KMT2E: variants seen among roughly 807,000 people sequenced by gnomAD.
KMT2E encodes lysine methyltransferase 2E (inactive).
Under a neutral mutation model 184.6 loss-of-function variants are expected in KMT2E, and 30 were observed. The observed-to-expected ratio is 0.16, with a 90% CI of 0.12 to 0.22. The LOEUF (loss-of-function observed/expected upper bound fraction) is 0.22, where lower values mean the gene tolerates loss of function less well. KMT2E is among the 10% of genes least tolerant of loss of function. KMT2E has a pLI of 1.00. For synonymous variants in KMT2E, 815 were observed against 776.5 expected (o/e 1.05, Z -0.82); for missense variants, 2,023 against 2,237.4 (o/e 0.90, Z 1.93).
intron 13 of KMT2E, among the ~76,000 whole-genome samples, chr7:105,084,113 A>G (rs902381212): frequency 6.6e-6 from 1 of 152,216 alleles, no homozygotes; most frequent in Non-Finnish European, 1.5e-5. Flanking sequence ...AGCTGCGGTG[A>G]TGGCTCCACA....
chr7:105,112,787 A>AG lies in KMT2E; in HGVS notation c.5031_5032insG (p.Pro1678AlafsTer191). On this transcript the variant is annotated frameshift_variant, in exon 27 of 27. Coordinates refer to ENST00000311117, the MANE Select transcript of KMT2E (RefSeq NM_182931.3). LOFTEE classifies it high-confidence loss of function. ...ATTCTCAAACTGCTGGACACCACTTACCCCCACCCCCACCCCCTCCTGGTC... is the reference window on the plus strand; with the variant it reads ...ATTCTCAAACTGCTGGACACCACTTAGCCCCCACCCCCACCCCCTCCTGGTC... 8.9e-6 allele frequency: 13 copies of AG among 1,462,812 alleles called. No homozygotes were observed. Among genetic ancestry groups the AG allele is most frequent in the Non-Finnish European group, 1.1e-5 (12 of 1,080,404 alleles). 90.6% of individuals were successfully genotyped at this position (1,462,812 alleles called of 1,614,324 possible). A position where few individuals can be genotyped will look rare whatever the true frequency, so the allele number is the denominator to read the frequency against.
At chr7:105,046,234 T>C (rs1355385813) in intron 3 of KMT2E, among the ~76,000 whole-genome samples, 1 of 152,172 alleles carries the variant, frequency 6.6e-6, no homozygotes, top group Non-Finnish European at 1.5e-5. Flanking sequence ...TATTTTTCAC[T>C]CAAAGACAGC....
intron 8 of KMT2E, among the ~76,000 whole-genome samples, chr7:105,075,659 T>A (rs984710981): frequency 1.3e-5 from 2 of 152,048 alleles, no homozygotes; most frequent in African/African-American, 4.8e-5. Flanking sequence ...TACAGATTTT[T>A]ATATTCTATA....
intron 15 of KMT2E, among the ~76,000 whole-genome samples, chr7:105,098,238 T>C (rs1023929063): frequency 1.2e-5 from 1 of 86,344 alleles, no homozygotes; most frequent in Non-Finnish European, 1.9e-5. Context: ...TTTCCTATTT[T>C]TTTTTTTTTT....
intron 20 of KMT2E, 54 bp from the exon 21 acceptor site, chr7:105,107,112 G>A: frequency 1.1e-6 from 1 of 915,268 alleles, no homozygotes; most frequent in Non-Finnish European, 1.7e-6. Flanking sequence ...TAATTATTAT[G>A]GATATACTTA....
intron 1 of KMT2E, among the ~76,000 whole-genome samples, chr7:105,024,566 A>G (rs758636904): frequency 1.3e-5 from 2 of 152,198 alleles, no homozygotes; most frequent in Non-Finnish European, 2.9e-5. Context: ...GAACATTCTC[A>G]GACCAATCAA....
chr7:105,043,719 T>G (rs1795984923), intron 3 of KMT2E, among the ~76,000 whole-genome samples: 1 of 152,212 alleles, frequency 6.6e-6, no homozygotes, highest in African/African-American at 2.4e-5. Context: ...TGTTCTTCCT[T>G]TAAAGTTTTT....
chr7:105,047,665 A>G (rs941915036), intron 3 of KMT2E, among the ~76,000 whole-genome samples: 4 of 152,230 alleles, frequency 2.6e-5, no homozygotes, highest in Non-Finnish European at 5.9e-5. Flanking sequence ...AAAGTTTCAG[A>G]AGGGTTAACT....
chr7:105,102,168 C>A lies in KMT2E; in HGVS notation c.2170C>A (p.Pro724Thr). The A allele has an allele frequency of 1.2e-6, 2 of 1,609,082 alleles. No homozygotes were observed. Among genetic ancestry groups the A allele is most frequent in the South Asian group, 2.2e-5 (2 of 89,834 alleles). The stretch of plus-strand genomic sequence containing the variant: ...TGAAGTTCCAGCACTTAATAAATGT[C>A]CTACCAAGTACCCCAAAACAAAGAA... ...ETEVPALNKC[P>T]TKYPKTKKHL... The change falls in exon 17 of 27, where the codon CCT becomes ACT. Residue 724 changes from proline (P) to threonine (T), a missense_variant. Physicochemically the swap from Pro to Thr is conservative, Grantham distance 38. Coordinates refer to ENST00000311117, the MANE Select transcript of KMT2E (RefSeq NM_182931.3).
rs60768252 is a variant in KMT2E, at chr7:105,071,435, C to T, written c.498-2184C>T. Among the ~76,000 whole-genome samples the T allele has an allele frequency of 3.6e-3, 542 of 149,412 alleles. 4 individuals are homozygous for T. Among genetic ancestry groups the T allele is most frequent in the African/African-American group, 0.013 (518 of 40,690 alleles). ...AGGCTGCAGTGCAGTGGTACGATCT[C>T]GGCTCACTGCAACCTCCGCCTCCTG... On this transcript the variant is annotated intron_variant, in intron 6 of 26. Transcript: ENST00000311117.
At chr7:105,076,607 G>A (rs1032018013) in intron 9 of KMT2E, among the ~76,000 whole-genome samples, 6 of 152,172 alleles carry the variant, frequency 3.9e-5, no homozygotes, top group Non-Finnish European at 8.8e-5. Flanking sequence ...TGAGAGAAGC[G>A]AGGCTCCTCG....
At chr7:105,089,174 A>G in intron 13 of KMT2E, 1 of 362,350 alleles carries the variant, frequency 2.8e-6, no homozygotes, top group Non-Finnish European at 5.4e-6. Flanking sequence ...CCCTCATGCA[A>G]AAATCTGAAA....
At chr7:105,066,030 C>T (rs1278402082) in intron 5 of KMT2E, among the ~76,000 whole-genome samples, 6 of 152,108 alleles carry the variant, frequency 3.9e-5, no homozygotes, top group South Asian at 4.2e-4. Context: ...TTTTCTCTGG[C>T]GTTAATTCTG....
intron 1 of KMT2E, among the ~76,000 whole-genome samples, chr7:105,021,505 A>T (rs1794949904): frequency 6.6e-6 from 1 of 152,228 alleles, no homozygotes; most frequent in South Asian, 2.1e-4. Flanking sequence ...GCTAGCTTAA[A>T]TAAAGGATTT....
intron 1 of KMT2E, among the ~76,000 whole-genome samples, chr7:105,024,881 A>C (rs1019434163): frequency 6.6e-6 from 1 of 152,124 alleles, no homozygotes; most frequent in Non-Finnish European, 1.5e-5. Context: ...CTCTCTGTCT[A>C]CTGCTTGTGT....
chr7:105,068,401 T>A (rs1213337726), intron 6 of KMT2E, among the ~76,000 whole-genome samples: 2 of 152,140 alleles, frequency 1.3e-5, no homozygotes, highest in Admixed American at 1.3e-4. Flanking sequence ...ATTAGTGATA[T>A]GTTAATTCTG....
chr7:105,049,099 A>G (rs1340429695), intron 3 of KMT2E, among the ~76,000 whole-genome samples: 1 of 152,146 alleles, frequency 6.6e-6, no homozygotes, highest in Non-Finnish European at 1.5e-5. Context: ...GAATATTAAG[A>G]AGAGATGAGA....
chr7:105,041,099 A>G (rs1312415529), intron 3 of KMT2E, 76 bp downstream of exon 3: 4 of 851,902 alleles, frequency 4.7e-6, no homozygotes, highest in Non-Finnish European at 1.8e-6. Context: ...GAAGAAGTAT[A>G]AGTGGAAAAT....
At chr7:105,084,483 C>T (rs950871390) in intron 13 of KMT2E, among the ~76,000 whole-genome samples, 7 of 151,962 alleles carry the variant, frequency 4.6e-5, no homozygotes, top group Admixed American at 3.9e-4. Flanking sequence ...AAAAATTATC[C>T]GGGCGTGGTG....
Sources: gnomAD v4.1 joint callset for allele counts (sites outside exome capture counted in the v4.1 genomes callset) on GRCh38, gnomAD v4.1.1 for gene constraint, MANE v1.5 for transcripts, NCBI Gene and HGNC (gene_info 2026-07-23, HGNC 2026-07-21) for gene names.